The following TMEM132B variants were observed in gnomAD, a reference collection of about 807,000 sequenced individuals.
TMEM132B encodes the protein transmembrane protein 132B.
Under a neutral mutation model 90.8 loss-of-function variants are expected in TMEM132B, and 18 were observed. The observed-to-expected ratio is 0.20, with a 90% CI of 0.14 to 0.29. The LOEUF is 0.29. Among genes scored for constraint, TMEM132B ranks in the 10% least tolerant of loss-of-function variants. TMEM132B has a pLI of 1.00. For missense variants in TMEM132B, 1,096 were observed against 1,326.8 expected, an observed-to-expected ratio of 0.83 and a Z score of 2.70; for synonymous variants, 504 against 523.3, an observed-to-expected ratio of 0.96 and a Z score of 0.50.
At chr12:125,225,771 C>T (rs945681624) in intron 1 of TMEM132B, among the ~76,000 whole-genome samples, 1 of 152,180 alleles carries the variant, frequency 6.6e-6, no homozygotes, top group Non-Finnish European at 1.5e-5. Flanking sequence ...TTTGCACATT[C>T]CCATATATGC....
At chr12:125,298,490 G>T (rs967483957) in intron 1 of TMEM132B, among the ~76,000 whole-genome samples, 44 of 151,462 alleles carry the variant, frequency 2.9e-4, no homozygotes, top group Non-Finnish European at 3.4e-4. Context: ...CCTGGCCAAC[G>T]TGGTGAAACC....
chr12:125,471,662 A>G (rs985252136), intron 3 of TMEM132B, among the ~76,000 whole-genome samples: 2 of 152,172 alleles, frequency 1.3e-5, no homozygotes, highest in Non-Finnish European at 2.9e-5. Flanking sequence ...TTAAACAGTG[A>G]GTCTGACATA....
At chr12:125,417,182 T>C (rs1412449179) in intron 3 of TMEM132B, among the ~76,000 whole-genome samples, 1 of 151,976 alleles carries the variant, frequency 6.6e-6, no homozygotes, top group Non-Finnish European at 1.5e-5. Flanking sequence ...CCAGGCATCA[T>C]AGACTCACCC....
intron 1 of TMEM132B, chr12:125,326,538 G>A: frequency 4.8e-6 from 7 of 1,452,696 alleles, no homozygotes; most frequent in South Asian, 1.2e-5. Flanking sequence ...GCTGTTTGAT[G>A]GGGGGAGGTG....
chr12:125,546,191 T>G (rs1262364772), intron 4 of TMEM132B, among the ~76,000 whole-genome samples: 1 of 149,908 alleles, frequency 6.7e-6, no homozygotes, highest in African/African-American at 2.4e-5. Flanking sequence ...TTTCTTTTCT[T>G]TTTTTTTTTG....
At chr12:125,337,205 G>A (rs1876993257) in intron 1 of TMEM132B, among the ~76,000 whole-genome samples, 1 of 152,178 alleles carries the variant, frequency 6.6e-6, no homozygotes, top group Admixed American at 6.5e-5. Context: ...CCACTTTTTA[G>A]TAGGGATGGG....
intron 4 of TMEM132B, among the ~76,000 whole-genome samples, chr12:125,576,969 T>TC (rs1340273421): frequency 1.3e-5 from 2 of 150,860 alleles, no homozygotes; most frequent in East Asian, 3.9e-4. Flanking sequence ...TGCCTTTCTT[T>TC]TTTTTTTTTT....
At chr12:125,255,004 G>GATGGGGAC (rs1434843001) in intron 1 of TMEM132B, among the ~76,000 whole-genome samples, 19 of 152,154 alleles carry the variant, frequency 1.2e-4, no homozygotes, top group Non-Finnish European at 2.8e-4. Context: ...TACTTTAAAC[G>GATGGGGAC]ATGGGGACTG....
In TMEM132B at chr12:125,583,955, G is replaced by A; in HGVS notation, c.1398G>A (p.Glu466=). 3 of 1,614,218 alleles carry A rather than the reference G, an allele frequency of 1.9e-6. No individual in the cohort carries two copies. The South Asian group carries it at 3.3e-5, about 18-fold the overall frequency. ...ATGGTTCTGTGGTCGATGTGTCTGA[G>A]TCTGTGGAATGCAAGTCTGCCGATG... The part of the protein sequence containing the change: ...QEDGSVVDVS[E]SVECKSADED... The change falls in exon 5 of 9, where the codon GAG becomes GAA. Residue 466 remains glutamate, a synonymous_variant. Coordinates refer to ENST00000682704, the MANE Select transcript of TMEM132B (RefSeq NM_001366854.1).
intron 2 of TMEM132B, among the ~76,000 whole-genome samples, chr12:125,366,268 C>T (rs939946209): frequency 1.0e-3 from 157 of 151,992 alleles, no homozygotes; most frequent in African/African-American, 3.6e-3. Flanking sequence ...TTTCTTTATT[C>T]GTTCATCCAT....
chr12:125,465,543 A>C (rs1881540882), intron 3 of TMEM132B, among the ~76,000 whole-genome samples: 1 of 152,226 alleles, frequency 6.6e-6, no homozygotes, highest in African/African-American at 2.4e-5. Context: ...AAAGTATCTT[A>C]GAGTCTGGTT....
At chr12:125,571,214 G>A (rs1350648979) in intron 4 of TMEM132B, among the ~76,000 whole-genome samples, 1 of 152,128 alleles carries the variant, frequency 6.6e-6, no homozygotes, top group East Asian at 1.9e-4. Flanking sequence ...CTCCCATCCT[G>A]GCTCTGCAGC....
intron 1 of TMEM132B, among the ~76,000 whole-genome samples, chr12:125,261,753 A>G (rs1022308004): frequency 2.0e-5 from 3 of 152,198 alleles, no homozygotes; most frequent in Admixed American, 6.5e-5. Flanking sequence ...GGCCAGAAAA[A>G]GGGGTTATAT....
intron 3 of TMEM132B, among the ~76,000 whole-genome samples, chr12:125,450,546 GATACTGAGGCCCAATT>G (rs1881121318): frequency 6.6e-6 from 1 of 152,126 alleles, no homozygotes; most frequent in Non-Finnish European, 1.5e-5. Flanking sequence ...TGTACAGTAA[GATACTGAGGCCCAATT>G]AAATATGGAG....
At chr12:125,450,338 G>A (rs1302170856) in intron 3 of TMEM132B, among the ~76,000 whole-genome samples, 1 of 152,182 alleles carries the variant, frequency 6.6e-6, no homozygotes, top group African/African-American at 2.4e-5. Context: ...ATGATGGCAT[G>A]TCTTAATTAC....
intron 5 of TMEM132B, among the ~76,000 whole-genome samples, chr12:125,635,076 G>T (rs1437497423): frequency 6.6e-6 from 1 of 152,200 alleles, no homozygotes; most frequent in Non-Finnish European, 1.5e-5. Context: ...CAGTGGTAAG[G>T]ATTGCAGAAA....
chr12:125,409,585 TG>T (rs1879632396), intron 2 of TMEM132B, among the ~76,000 whole-genome samples: 4 of 109,678 alleles, frequency 3.6e-5, no homozygotes, highest in South Asian at 3.1e-4. Flanking sequence ...TGGAGTGGAG[TG>T]GAGTGGAGTG....
chr12:125,633,544 G>A (rs928188900), intron 5 of TMEM132B, among the ~76,000 whole-genome samples: 3 of 152,154 alleles, frequency 2.0e-5, no homozygotes, highest in African/African-American at 7.2e-5. Flanking sequence ...TTACTGCCTG[G>A]GCATGTTTGT....
chr12:125,338,821 T>C (rs1222173394), intron 1 of TMEM132B, among the ~76,000 whole-genome samples: 1 of 152,250 alleles, frequency 6.6e-6, no homozygotes, highest in Non-Finnish European at 1.5e-5. Flanking sequence ...TTTTCCTTTT[T>C]GTACTTTCAT....
Sources: allele counts gnomAD v4.1 joint callset (sites outside exome capture counted in the v4.1 genomes callset), GRCh38; gene constraint gnomAD v4.1.1; transcripts MANE v1.5; gene names NCBI Gene and HGNC (gene_info 2026-07-23, HGNC 2026-07-21).